The following PPM1A variants were observed in gnomAD, a reference collection of about 807,000 sequenced individuals.
PPM1A encodes the protein protein phosphatase, Mg2+/Mn2+ dependent 1A, also known as protein phosphatase 1A.
In PPM1A, 7 loss-of-function variants were observed where a neutral mutation model predicts 35.0. The observed-to-expected ratio is 0.20, with a 90% CI of 0.11 to 0.38. The LOEUF (loss-of-function observed/expected upper bound fraction) is 0.38, where lower values mean the gene tolerates loss of function less well. PPM1A is among the 10% of genes least tolerant of loss of function. The pLI is 1.00. For missense variants in PPM1A, 239 were observed against 467.8 expected (o/e 0.51, Z 4.51); for synonymous variants, 153 against 167.3 (o/e 0.91, Z 0.66).
intron 1 of PPM1A, among the ~76,000 whole-genome samples, chr14:60,274,175 G>A (rs1180234616): frequency 6.6e-6 from 1 of 152,170 alleles, no homozygotes; most frequent in Non-Finnish European, 1.5e-5. Flanking sequence ...AAGAAAGCTG[G>A]GAGTGTGTGT....
At chr14:60,256,068 C>G (rs562902434) in intron 1 of PPM1A, among the ~76,000 whole-genome samples, 1 of 152,186 alleles carries the variant, frequency 6.6e-6, no homozygotes, top group Non-Finnish European at 1.5e-5. Flanking sequence ...ACTCTGTGTT[C>G]AAATAAACCT....
intron 1 of PPM1A, among the ~76,000 whole-genome samples, chr14:60,270,104 C>T (rs1194848894): frequency 1.3e-5 from 2 of 152,066 alleles, no homozygotes; most frequent in African/African-American, 4.8e-5. Flanking sequence ...CTCAAGTCTA[C>T]TTGTTTTTGT....
intron 1 of PPM1A, chr14:60,277,181 C>A: frequency 3.4e-6 from 1 of 292,868 alleles, no homozygotes; most frequent in Non-Finnish European, 5.6e-6. Flanking sequence ...GGATATACGC[C>A]AATTTAATTA....
In PPM1A at chr14:60,263,955, C is replaced by CT. The variant is rs372605164; in HGVS notation, c.-21+14290dup. Among the ~76,000 whole-genome samples, 938 of 144,472 alleles carry CT rather than the reference C, an allele frequency of 6.5e-3. 6 individuals are homozygous for CT. Among genetic ancestry groups the CT allele is most frequent in the Non-Finnish European group, 7.7e-3 (501 of 65,240 alleles). 94.8% of individuals were successfully genotyped at this position (144,472 alleles called of 152,430 possible). ...ATAGTTGCCTACAATGTAATTTCTA[C>CT]TTTTTTTTTTTTAGCATAAAAGAGT... On this transcript the variant is annotated intron_variant, in intron 1 of 5. Transcript: ENST00000395076.
intron 3 of PPM1A, chr14:60,287,609 C>T: frequency 6.1e-6 from 6 of 985,154 alleles, no homozygotes; most frequent in Non-Finnish European, 6.0e-6. Context: ...TTGCTGTGAC[C>T]TACTAAACCT....
chr14:60,247,118 A>G (rs1022799289), upstream of PPM1A, among the ~76,000 whole-genome samples: 16 of 152,184 alleles, frequency 1.1e-4, no homozygotes, highest in Non-Finnish European at 2.2e-4. Context: ...CAGAATGTTA[A>G]TGAGTCCACC....
At chr14:60,253,906 C>T (rs1882735362) in intron 1 of PPM1A, among the ~76,000 whole-genome samples, 2 of 152,082 alleles carry the variant, frequency 1.3e-5, no homozygotes, top group Non-Finnish European at 1.5e-5. Context: ...AGTTTGAGTC[C>T]CTGTTCTCCT....
chr14:60,276,048 T>A (rs1485549611), intron 1 of PPM1A, among the ~76,000 whole-genome samples: 1 of 152,212 alleles, frequency 6.6e-6, no homozygotes, highest in Non-Finnish European at 1.5e-5. Context: ...GCATTTCTTC[T>A]TTGAACCCCA....
Position 60,296,825 on chromosome 14 carries a change from G to C in PPM1A, c.*4343G>C. The C allele has an allele frequency of 3.1e-6, 1 of 319,976 alleles. No individual in the cohort carries two copies. The highest frequency in any genetic ancestry group is 5.8e-6 in the Non-Finnish European group (1 of 172,902). The allele number at this position is 319,976 out of a possible 1,614,324, so 19.8% of individuals were successfully genotyped here. On this transcript the variant is annotated 3_prime_UTR_variant, in exon 6 of 6. Coordinates refer to ENST00000395076, the MANE Select transcript of PPM1A (RefSeq NM_021003.5). This position sits in a 1 kb window ranked among gnomAD's most constrained non-coding sequence, Gnocchi z 4.4. ...TCAATAGAAATGATGAGAGGCATTG[G>C]TTCCAATTCATTGTCAAATGAACGT...
chr14:60,246,832 C>T (rs1354259118), upstream of PPM1A, among the ~76,000 whole-genome samples: 2 of 152,146 alleles, frequency 1.3e-5, no homozygotes, highest in African/African-American at 2.4e-5. Flanking sequence ...GCTGCTTTAT[C>T]GGCAGTCTGT....
intron 1 of PPM1A, among the ~76,000 whole-genome samples, chr14:60,271,671 A>C (rs1885137639): frequency 6.6e-6 from 1 of 152,208 alleles, no homozygotes; most frequent in Non-Finnish European, 1.5e-5. Context: ...TCAGGTTATC[A>C]GTTTGTAACC....
chr14:60,261,901 C>T (rs191273768), intron 1 of PPM1A, among the ~76,000 whole-genome samples: 1 of 152,228 alleles, frequency 6.6e-6, no homozygotes, highest in Admixed American at 6.5e-5. Flanking sequence ...CTATAGTAAG[C>T]AGACTGGAAT....
At chr14:60,267,083 A>G (rs1336770485) in intron 1 of PPM1A, 1 of 152,010 alleles carries the variant, frequency 6.6e-6, no homozygotes, top group East Asian at 1.9e-4. Flanking sequence ...TTTTTTCCCT[A>G]TCATTTCAGG....
At chr14:60,255,179 G>T (rs569541710) in intron 1 of PPM1A, among the ~76,000 whole-genome samples, 8,747 of 57,526 alleles carry the variant, frequency 0.15, 1,199 homozygotes, top group African/African-American at 0.52. Flanking sequence ...TTTTTGTTTT[G>T]TTTTGTTTTT....
At chr14:60,271,679 A>G (rs556887773) in intron 1 of PPM1A, among the ~76,000 whole-genome samples, 2 of 152,224 alleles carry the variant, frequency 1.3e-5, no homozygotes, top group East Asian at 3.9e-4. Flanking sequence ...TCAGTTTGTA[A>G]CCTAGTTTGT....
At chr14:60,265,768 A>G (rs1884303729) in intron 1 of PPM1A, among the ~76,000 whole-genome samples, 1 of 152,136 alleles carries the variant, frequency 6.6e-6, no homozygotes, top group Non-Finnish European at 1.5e-5. Context: ...AAGAGAGCAC[A>G]AGTGCAAACA....
chr14:60,254,127 G>T (rs1882768137), intron 1 of PPM1A, among the ~76,000 whole-genome samples: 1 of 152,148 alleles, frequency 6.6e-6, no homozygotes, highest in Non-Finnish European at 1.5e-5. Context: ...ATACTTAGGG[G>T]TATAGAGACT....
Position 60,289,377 on chromosome 14 carries a change from GTTA to G in PPM1A, c.953-426_953-424del, listed in dbSNP as rs1471689666. ...ATAAATTCCCCTATAATTAAGGGTT[GTTA>G]TTTTCAAATCTTGAAATTGTTTATT... is the stretch of plus-strand genomic sequence containing the variant. On this transcript the variant is annotated intron_variant, in intron 3 of 5. Coordinates refer to ENST00000395076, the MANE Select transcript of PPM1A (RefSeq NM_021003.5). This position sits in a 1 kb window ranked among gnomAD's most constrained non-coding sequence, Gnocchi z 4.1. Among the ~76,000 whole-genome samples, 1 of 152,048 alleles carries G rather than the reference GTTA, an allele frequency of 6.6e-6. No individual in the cohort carries two copies. Among genetic ancestry groups the G allele is most frequent in the African/African-American group, 2.4e-5 (1 of 41,430 alleles).
chr14:60,275,461 T>C (rs1417843199), intron 1 of PPM1A, among the ~76,000 whole-genome samples: 1 of 152,158 alleles, frequency 6.6e-6, no homozygotes, highest in East Asian at 1.9e-4. Context: ...AAAATCAAAT[T>C]TGTAACTATA....
Sources: gnomAD v4.1 joint callset for allele counts (sites outside exome capture counted in the v4.1 genomes callset) on GRCh38, gnomAD v4.1.1 for gene constraint, Gnocchi (gnomAD v3.1) non-coding constraint, MANE v1.5 for transcripts, NCBI Gene and HGNC (gene_info 2026-07-23, HGNC 2026-07-21) for gene names.